Variants in DRC11L observed in about 807,000 individuals in gnomAD.
DRC11L encodes the protein dynein regulatory complex subunit 11 like, also known as dynein regulatory complex subunit like-11.
chr7:151,202,109 CA>C, the DRC11L span, among the ~76,000 whole-genome samples: 1 of 152,132 alleles, frequency 6.6e-6, no homozygotes, highest in Non-Finnish European at 1.5e-5. Context: ...TGAGGTGAGA[CA>C]GGGGATAGAA....
chr7:151,197,190 C>G, the DRC11L span: 85 of 399,540 alleles, frequency 2.1e-4, no homozygotes, highest in Non-Finnish European at 2.7e-5. Context: ...ACCATGCATC[C>G]GAGAGGTATC....
the DRC11L span, chr7:151,194,689 T>A: frequency 7.5e-6 from 3 of 397,922 alleles, no homozygotes; most frequent in Non-Finnish European, 8.9e-6. Context: ...ATGGGGGCTG[T>A]TGTCATGAAG....
At chr7:151,201,214 C>T in the DRC11L span, among the ~76,000 whole-genome samples, 6 of 152,242 alleles carry the variant, frequency 3.9e-5, no homozygotes, top group Non-Finnish European at 5.9e-5. This position sits in a 1 kb window ranked among gnomAD's most constrained non-coding sequence, Gnocchi z 4.1. Flanking sequence ...CCGGTTCCTG[C>T]CCTTCTCATC....
the DRC11L span, chr7:151,203,319 A>AG: frequency 2.5e-6 from 1 of 398,988 alleles, no homozygotes; most frequent in Non-Finnish European, 4.4e-6. Flanking sequence ...GAGAGCAGGG[A>AG]GGGGCCTCTC....
chr7:151,198,593 G>A, the DRC11L span, among the ~76,000 whole-genome samples: 2 of 152,174 alleles, frequency 1.3e-5, no homozygotes, highest in Non-Finnish European at 2.9e-5. Flanking sequence ...GAAGTCAGGT[G>A]TGGAGATGGT....
At chr7:151,200,490 A>G in the DRC11L span, 940 of 399,250 alleles carry the variant, frequency 2.4e-3, 8 homozygotes, top group African/African-American at 0.018. Context: ...CAGGACACAC[A>G]GGACACACAG....
chr7:151,197,152 C>T, the DRC11L span: 4 of 399,030 alleles, frequency 1.0e-5, no homozygotes, highest in Middle Eastern at 6.2e-4. Flanking sequence ...CACGAGTTCC[C>T]CCACACCTTC....
the DRC11L span, chr7:151,200,473 G>T: frequency 2.5e-6 from 1 of 398,852 alleles, no homozygotes; most frequent in Non-Finnish European, 4.4e-6. Flanking sequence ...GGGATGTAGG[G>T]GACACACAGG....
At chr7:151,195,332 C>G in the DRC11L span, 2 of 398,694 alleles carry the variant, frequency 5.0e-6, no homozygotes, top group African/African-American at 4.1e-5. Flanking sequence ...TTCCCAAGGT[C>G]TCACAGCAGC....
At chr7:151,200,766 C>T in the DRC11L span, among the ~76,000 whole-genome samples, 2 of 152,204 alleles carry the variant, frequency 1.3e-5, no homozygotes, top group Non-Finnish European at 2.9e-5. Context: ...TTCCCTACAC[C>T]CCCTCCTCAG....
At chr7:151,198,303 TA>T in the DRC11L span, among the ~76,000 whole-genome samples, 47 of 144,954 alleles carry the variant, frequency 3.2e-4, no homozygotes, top group African/African-American at 1.2e-3. Flanking sequence ...GATGGAGAGG[TA>T]GGTAGAAGGG....
the DRC11L span, chr7:151,198,942 T>C: frequency 2.5e-6 from 1 of 399,130 alleles, no homozygotes; most frequent in Admixed American, 4.4e-5. Context: ...CCTCTGGACA[T>C]CCTCCACGAG....
chr7:151,204,408 G>C, the DRC11L span: 4 of 230,290 alleles, frequency 1.7e-5, no homozygotes, highest in Middle Eastern at 1.3e-3. Context: ...AAGCTGGCCA[G>C]GGCGTGGCTC....
At chr7:151,193,891 A>G in the DRC11L span, among the ~76,000 whole-genome samples, 482 of 149,974 alleles carry the variant, frequency 3.2e-3, 3 homozygotes, top group Non-Finnish European at 3.3e-3. Flanking sequence ...TGGGCGACAG[A>G]CTGAGACTCT....
the DRC11L span, chr7:151,194,268 C>T: frequency 5.0e-6 from 2 of 399,242 alleles, no homozygotes; most frequent in East Asian, 3.6e-5. Flanking sequence ...AGCCGAAGGA[C>T]CGCATACAAA....
At chr7:151,196,184 C>A in the DRC11L span, among the ~76,000 whole-genome samples, 1 of 152,182 alleles carries the variant, frequency 6.6e-6, no homozygotes, top group African/African-American at 2.4e-5. Context: ...CCCTCCACAC[C>A]CCTGCTGCAT....
chr7:151,195,536 G>C, the DRC11L span: 1 of 400,020 alleles, frequency 2.5e-6, no homozygotes, highest in Non-Finnish European at 4.4e-6. Flanking sequence ...TTGCCTCCCT[G>C]TGTGCCCTCC....
the DRC11L span, chr7:151,200,538 C>T: frequency 1.2e-4 from 47 of 398,970 alleles, no homozygotes; most frequent in African/African-American, 8.4e-4. Flanking sequence ...AGAGAGGGTC[C>T]GAGAGGGTCA....
the DRC11L span, chr7:151,195,729 G>A: frequency 3.9e-3 from 1,537 of 399,192 alleles, 5 homozygotes; most frequent in Non-Finnish European, 5.5e-3. Flanking sequence ...GAGCAGGCAG[G>A]CAGGGATGGG....
Sources: allele counts gnomAD v4.1 joint callset (sites outside exome capture counted in the v4.1 genomes callset), GRCh38; gene constraint gnomAD v4.1.1; non-coding constraint Gnocchi (gnomAD v3.1); transcripts MANE v1.5; gene names NCBI Gene and HGNC (gene_info 2026-07-23, HGNC 2026-07-21).